ACAP2: variants seen among roughly 807,000 people sequenced by gnomAD.
The protein encoded by ACAP2 is ArfGAP with coiled-coil, ankyrin repeat and PH domains 2.
Under a neutral mutation model 115.8 loss-of-function variants are expected in ACAP2, and 39 were observed. The ratio of observed to expected loss-of-function variants is 0.34; its 90% CI spans 0.26 to 0.44. The LOEUF (loss-of-function observed/expected upper bound fraction) is 0.44, where lower values mean the gene tolerates loss of function less well. Ranked by LOEUF, ACAP2 falls within the 20% of genes least tolerant of loss-of-function variation. The pLI, the probability that ACAP2 is intolerant of heterozygous loss-of-function variation, is 1.00. For missense variants in ACAP2, 662 were observed against 927.6 expected (o/e 0.71, Z 3.72); for synonymous variants, 289 against 315.8 (o/e 0.92, Z 0.90).
At chr3:195,291,872 A>C in intron 19 of ACAP2, 57 bp from the exon 20 acceptor site, 1 of 1,432,324 alleles carries the variant, frequency 7.0e-7, no homozygotes, top group Non-Finnish European at 9.5e-7. Context: ...AAACAACAAT[A>C]CATTTCTTTT....
At chr3:195,332,832 G>T (rs1017796576) in intron 8 of ACAP2, among the ~76,000 whole-genome samples, 196 bp downstream of exon 8, 12 of 152,134 alleles carry the variant, frequency 7.9e-5, no homozygotes, top group African/African-American at 2.7e-4. Flanking sequence ...TGCCATCATT[G>T]TAAGTTTCCT....
In ACAP2 at chr3:195,399,580, C is replaced by T. The variant is rs62288368; in HGVS notation, c.54-7433G>A. Among the ~76,000 whole-genome samples, 484 of 151,860 alleles carry T rather than the reference C, an allele frequency of 3.2e-3. 4 individuals are homozygous for T. Among genetic ancestry groups the T allele is most frequent in the Non-Finnish European group, 2.2e-3 (151 of 67,988 alleles). On this transcript the variant is annotated intron_variant, in intron 1 of 22. Transcript: ENST00000326793. The stretch of plus-strand genomic sequence containing the variant: ...GATTGTAAACATTACTCTGCCACTT[C>T]CCAGTGGGGAAAAAAAAAACTTTTT...
At chr3:195,392,013 C>A in intron 2 of ACAP2, 77 bp downstream of exon 2, 1 of 1,184,492 alleles carries the variant, frequency 8.4e-7, no homozygotes, top group Non-Finnish European at 1.2e-6. Flanking sequence ...AAAAAAGAGA[C>A]CTACTACTGT....
chr3:195,309,343 G>A (rs1462029787), intron 10 of ACAP2, among the ~76,000 whole-genome samples: 3 of 152,102 alleles, frequency 2.0e-5, no homozygotes, highest in East Asian at 1.9e-4. Flanking sequence ...TCAGGAGTTC[G>A]AGACCAGCCT....
rs1322347319 is a variant in ACAP2, at chr3:195,336,542, TAA to T, written c.573+388_573+389del. 5.7e-5 allele frequency: 9 copies of T among 156,760 alleles called. No homozygotes were observed. In the Admixed American group the frequency reaches 5.8e-4, roughly 10 times the overall value. 9.7% of individuals were successfully genotyped at this position (156,760 alleles called of 1,614,324 possible). A position where few individuals can be genotyped will look rare whatever the true frequency, so the allele number is the denominator to read the frequency against. On this transcript the variant is annotated intron_variant, in intron 7 of 22. Coordinates refer to ENST00000326793, the MANE Select transcript of ACAP2 (RefSeq NM_012287.6). ...TAAGAAAAAATTAAAAACCTAAGTG[TAA>T]CAGTTTTTTATGTTGATAACTTTCA...
intron 4 of ACAP2, among the ~76,000 whole-genome samples, chr3:195,379,199 T>G (rs372660143): frequency 6.6e-6 from 1 of 152,096 alleles, no homozygotes; most frequent in Admixed American, 6.6e-5. Flanking sequence ...ACCATAAAAC[T>G]CTTAGAAGAA....
chr3:195,425,876 C>A (rs1346642280), intron 1 of ACAP2, among the ~76,000 whole-genome samples: 1 of 152,154 alleles, frequency 6.6e-6, no homozygotes, highest in African/African-American at 2.4e-5. Flanking sequence ...TTGTCTCTCA[C>A]CTGGCCCAGC....
chr3:195,395,648 G>A (rs1418542335), intron 1 of ACAP2, among the ~76,000 whole-genome samples: 1 of 152,222 alleles, frequency 6.6e-6, no homozygotes, highest in Non-Finnish European at 1.5e-5. Context: ...TAGTTGAGTA[G>A]CTGCAAGAGA....
intron 4 of ACAP2, among the ~76,000 whole-genome samples, chr3:195,354,663 A>C (rs931751049): frequency 6.6e-6 from 1 of 152,220 alleles, no homozygotes; most frequent in African/African-American, 2.4e-5. Context: ...GATTGTGCAG[A>C]AACTCTTTAA....
intron 1 of ACAP2, among the ~76,000 whole-genome samples, chr3:195,408,544 CCAACCCTTCT>C (rs1450727574): frequency 1.3e-5 from 2 of 152,152 alleles, no homozygotes; most frequent in Non-Finnish European, 2.9e-5. Context: ...CGAACTTACA[CCAACCCTTCT>C]CAGACTTTTC....
chr3:195,404,365 C>T (rs1712561429), intron 1 of ACAP2, among the ~76,000 whole-genome samples: 1 of 151,936 alleles, frequency 6.6e-6, no homozygotes, highest in Non-Finnish European at 1.5e-5. Context: ...ACACTTCTGG[C>T]CTGATATTTT....
intron 4 of ACAP2, among the ~76,000 whole-genome samples, chr3:195,362,328 A>T (rs1033388081): frequency 6.6e-6 from 1 of 152,132 alleles, no homozygotes; most frequent in Admixed American, 6.5e-5. Context: ...AAAAAAAAAA[A>T]AAAAAAAATC....
intron 15 of ACAP2, among the ~76,000 whole-genome samples, chr3:195,299,414 AC>A (rs1386725188): frequency 2.1e-4 from 22 of 107,082 alleles, no homozygotes; most frequent in Admixed American, 1.2e-3. Context: ...TACAAAAAAT[AC>A]AAAAAAAAAA....
chr3:195,289,538 C>A (rs1454109461), intron 20 of ACAP2, among the ~76,000 whole-genome samples: 1 of 151,990 alleles, frequency 6.6e-6, no homozygotes, highest in African/African-American at 2.4e-5. Flanking sequence ...TGGTGGCTCA[C>A]GCCTGTAATC....
chr3:195,342,349 G>T, intron 6 of ACAP2, 122 bp downstream of exon 6: 1 of 969,144 alleles, frequency 1.0e-6, no homozygotes, highest in Admixed American at 3.5e-5. Flanking sequence ...TTCCACCTAA[G>T]ATTATGTTTT....
chr3:195,433,856 C>T (rs901289000), intron 1 of ACAP2, among the ~76,000 whole-genome samples: 16 of 152,146 alleles, frequency 1.1e-4, no homozygotes, highest in South Asian at 8.3e-4. Context: ...CTAGTACTTT[C>T]GTCAAAGATT....
intron 4 of ACAP2, among the ~76,000 whole-genome samples, chr3:195,353,008 G>C (rs981481378): frequency 6.6e-6 from 1 of 151,648 alleles, no homozygotes; most frequent in Non-Finnish European, 1.5e-5. Flanking sequence ...TTCAACCTGG[G>C]AGGCGGAAGT....
chr3:195,411,059 T>TC (rs1380483509), intron 1 of ACAP2: 1 of 319,706 alleles, frequency 3.1e-6, no homozygotes, highest in South Asian at 2.5e-5. Flanking sequence ...TCAGTGCTAT[T>TC]CTGCCATCGA....
rs185816021 is a variant in ACAP2 at position 195,285,749 on chromosome 3, G to A, written c.2236+47C>T. ...GTTGTAAACTGATAAATTCCTGAATGCATTTCTTATACTGCATTTCAGTAT... is the reference window on the plus strand; with the variant it reads ...GTTGTAAACTGATAAATTCCTGAATACATTTCTTATACTGCATTTCAGTAT... On this transcript the variant is annotated intron_variant, in intron 22 of 22. Transcript: ENST00000326793. The A allele has an allele frequency of 5.7e-5, 81 of 1,411,076 alleles. 2 individuals carry two copies. The African/African-American group carries it at 8.7e-4, about 15-fold the overall frequency. 87.4% of individuals were successfully genotyped at this position (1,411,076 alleles called of 1,614,324 possible).
Sources: allele counts gnomAD v4.1 joint callset (sites outside exome capture counted in the v4.1 genomes callset), GRCh38; gene constraint gnomAD v4.1.1; transcripts MANE v1.5; gene names NCBI Gene and HGNC (gene_info 2026-07-23, HGNC 2026-07-21).